The following CHD2 variants were observed in gnomAD, a reference collection of about 807,000 sequenced individuals.
CHD2 encodes the protein ATP-dependent chromatin remodeler CHD2.
Under a neutral mutation model 243.9 loss-of-function variants are expected in CHD2, and 28 were observed. The ratio of observed to expected loss-of-function variants is 0.11; its 90% CI spans 0.09 to 0.16. The LOEUF is 0.16. Among genes scored for constraint, CHD2 ranks in the 10% least tolerant of loss-of-function variants. The pLI is 1.00. For missense variants in CHD2, 1,386 were observed against 2,209.8 expected, an observed-to-expected ratio of 0.63 and a Z score of 7.47; for synonymous variants, 775 against 779.0, an observed-to-expected ratio of 0.99 and a Z score of 0.09.
intron 27 of CHD2, among the ~76,000 whole-genome samples, chr15:92,992,414 A>G (rs989880711): frequency 3.9e-5 from 6 of 152,178 alleles, no homozygotes; most frequent in Non-Finnish European, 8.8e-5. Context: ...TTCATATGAC[A>G]TGGAGATCAA....
intron 26 of CHD2, among the ~76,000 whole-genome samples, chr15:92,989,676 G>A (rs1334197161): frequency 6.6e-6 from 1 of 152,182 alleles, no homozygotes; most frequent in African/African-American, 2.4e-5. Flanking sequence ...TCAATGCTCT[G>A]GAAGGCAATT....
chr15:93,010,003 A>C (rs2054370195), intron 35 of CHD2, among the ~76,000 whole-genome samples: 1 of 152,168 alleles, frequency 6.6e-6, no homozygotes, highest in Non-Finnish European at 1.5e-5. Context: ...CACTGCACCC[A>C]GTGTGTCATC....
In CHD2 at chr15:93,006,127, T is replaced by C. The variant is rs1358989144; in HGVS notation, c.4413+1376T>C. On this transcript the variant is annotated intron_variant, in intron 34 of 38. Coordinates refer to ENST00000394196, the MANE Select transcript of CHD2 (RefSeq NM_001271.4). ...TGCTTTTTCTGTCTCTCTCTCTCTTTTTTTTTTTTTTTTTTTTGAGGCAGA... is the reference window on the plus strand; with the variant it reads ...TGCTTTTTCTGTCTCTCTCTCTCTTCTTTTTTTTTTTTTTTTTGAGGCAGA... Among the ~76,000 whole-genome samples the C allele has an allele frequency of 6.0e-5, 8 of 133,904 alleles. No individual in the cohort carries two copies. In the East Asian group the frequency reaches 1.6e-3, roughly 26 times the overall value. 87.8% of individuals were successfully genotyped at this position (133,904 alleles called of 152,430 possible). A position where few individuals can be genotyped will look rare whatever the true frequency, so the allele number is the denominator to read the frequency against.
intron 28 of CHD2, among the ~76,000 whole-genome samples, chr15:92,993,633 C>T (rs930962268): frequency 6.6e-6 from 1 of 152,106 alleles, no homozygotes; most frequent in African/African-American, 2.4e-5. Context: ...AGGACACCCT[C>T]ATAGTGAACT....
chr15:92,952,468 T>C (rs535479640), intron 13 of CHD2, among the ~76,000 whole-genome samples: 11 of 152,314 alleles, frequency 7.2e-5, no homozygotes, highest in African/African-American at 2.4e-4. Context: ...GACGGTCCCA[T>C]CTGGGGGTGA....
chr15:92,959,252 G>T (rs1299197836), intron 16 of CHD2, among the ~76,000 whole-genome samples: 3 of 152,188 alleles, frequency 2.0e-5, no homozygotes, highest in Admixed American at 2.0e-4. Flanking sequence ...TTTATAGTGT[G>T]AAGTGTGAGT....
At chr15:92,917,390 C>T (rs1009737621) in intron 2 of CHD2, among the ~76,000 whole-genome samples, 1 of 152,146 alleles carries the variant, frequency 6.6e-6, no homozygotes, top group African/African-American at 2.4e-5. Flanking sequence ...GAAACCCTGT[C>T]TCTACTAAAA....
intron 3 of CHD2, among the ~76,000 whole-genome samples, chr15:92,926,081 C>G (rs2053055685): frequency 6.6e-6 from 1 of 152,144 alleles, no homozygotes; most frequent in Non-Finnish European, 1.5e-5. Context: ...AAGTGATCCT[C>G]CCACCTCAGC....
At chr15:92,905,276 TC>T (rs1330286452) in intron 2 of CHD2, among the ~76,000 whole-genome samples, 3 of 152,194 alleles carry the variant, frequency 2.0e-5, no homozygotes, top group African/African-American at 7.2e-5. Flanking sequence ...GAATTCTGAG[TC>T]CCGGTAAACG....
At chr15:92,924,701 C>G in intron 3 of CHD2, 149 bp downstream of exon 3, 1 of 646,766 alleles carries the variant, frequency 1.5e-6, no homozygotes, top group Non-Finnish European at 2.7e-6. Flanking sequence ...TCTGAGGATA[C>G]AAATGAAGAC....
chr15:92,920,278 A>G (rs117110513), intron 2 of CHD2, among the ~76,000 whole-genome samples: 4,203 of 152,348 alleles, frequency 0.028, 93 homozygotes, highest in South Asian at 0.091. Flanking sequence ...GTTACAGTCA[A>G]CAGTTTCCAA....
intron 17 of CHD2, among the ~76,000 whole-genome samples, chr15:92,969,141 A>G (rs1046078022): frequency 2.0e-5 from 3 of 152,198 alleles, no homozygotes; most frequent in Non-Finnish European, 2.9e-5. Flanking sequence ...GGTCAGTGCT[A>G]TTTTGGGTGT....
intron 24 of CHD2, among the ~76,000 whole-genome samples, chr15:92,982,903 C>G (rs115020272): frequency 6.6e-6 from 1 of 152,064 alleles, no homozygotes; most frequent in Non-Finnish European, 1.5e-5. Context: ...AGTAAAATAC[C>G]GTAGACTGGG....
At chr15:92,976,653 CAAAA>C (rs11354443) in intron 20 of CHD2, among the ~76,000 whole-genome samples, 2 of 133,692 alleles carry the variant, frequency 1.5e-5, no homozygotes, top group Non-Finnish European at 1.6e-5. Context: ...CTGTCTCTAC[CAAAA>C]AAAAAAAAAA....
Position 92,971,805 on chromosome 15 carries a change from A to G in CHD2, c.2230A>G (p.Thr744Ala), listed in dbSNP as rs1596418984. ...GAATTACAAGGCTCTTGCCAAAGGA[A>G]CAAGAGGCAGCACATCTGGTTTTCT... is the stretch of plus-strand genomic sequence containing the variant. ...TRNYKALAKG[T>A]RGSTSGFLNI... is the part of the protein sequence containing the mutation. Residue 744 changes from threonine to alanine, a missense_variant, in exon 18 of 39, where the codon ACA (threonine) becomes GCA (alanine). By Grantham distance (58) the Thr-to-Ala change is moderately conservative. Coordinates refer to ENST00000394196, the MANE Select transcript of CHD2 (RefSeq NM_001271.4). 1.9e-6 allele frequency: 3 copies of G among 1,613,802 alleles called. No individual in the cohort carries two copies. Among genetic ancestry groups the G allele is most frequent in the African/African-American group, 1.3e-5 (1 of 74,906 alleles).
intron 2 of CHD2, among the ~76,000 whole-genome samples, chr15:92,905,495 T>C (rs1304457078): frequency 1.3e-5 from 2 of 152,220 alleles, no homozygotes; most frequent in Non-Finnish European, 2.9e-5. Flanking sequence ...TAGGCTGTCC[T>C]GTAGTTAGCC....
At chr15:92,921,104 C>T (rs114502221) in intron 2 of CHD2, among the ~76,000 whole-genome samples, 1 of 143,838 alleles carries the variant, frequency 7.0e-6, no homozygotes, top group African/African-American at 2.6e-5. Flanking sequence ...GTGGTGGTAA[C>T]TGCTGTGACA....
intron 28 of CHD2, among the ~76,000 whole-genome samples, chr15:92,995,427 G>T (rs571945007): frequency 1.5e-3 from 222 of 152,024 alleles, no homozygotes; most frequent in African/African-American, 4.8e-3. Context: ...TCCTTAATAG[G>T]TCACTGTTTC....
At chr15:93,000,468 T>A (rs372085729) in intron 31 of CHD2, 44 bp from the exon 32 acceptor site, 1 of 1,559,564 alleles carries the variant, frequency 6.4e-7, no homozygotes, top group South Asian at 1.2e-5. Context: ...TGCTTTTGAG[T>A]GTCTTGATTT....
Sources: allele counts gnomAD v4.1 joint callset (sites outside exome capture counted in the v4.1 genomes callset), GRCh38; gene constraint gnomAD v4.1.1; transcripts MANE v1.5; gene names NCBI Gene and HGNC (gene_info 2026-07-23, HGNC 2026-07-21).